CCAR1: variants seen among roughly 807,000 people sequenced by gnomAD.
CCAR1 encodes cell division cycle and apoptosis regulator 1, also known as cell division cycle and apoptosis regulator protein 1.
In CCAR1, 78 loss-of-function variants were observed where a neutral mutation model predicts 163.8. That is an observed-to-expected ratio of 0.48 (90% CI 0.40 to 0.57). CCAR1 has a LOEUF of 0.57. Ranked by LOEUF, CCAR1 falls within the 20% of genes least tolerant of loss-of-function variation. The pLI, the probability that CCAR1 is intolerant of heterozygous loss-of-function variation, is 0.00. For synonymous variants in CCAR1, 443 were observed against 460.7 expected, an observed-to-expected ratio of 0.96 and a Z score of 0.49; for missense variants, 1,019 against 1,365.2, an observed-to-expected ratio of 0.75 and a Z score of 4.00.
chr10:68,724,092 A>T (rs537214757), intron 2 of CCAR1, among the ~76,000 whole-genome samples: 24 of 151,654 alleles, frequency 1.6e-4, no homozygotes, highest in African/African-American at 4.8e-4. Flanking sequence ...TGGGAGGCAG[A>T]GGTTACAGTG....
Position 68,754,976 on chromosome 10 carries a change from T to G in CCAR1, c.1458+149T>G, listed in dbSNP as rs1564539964. 3 of 605,200 alleles carry G rather than the reference T, an allele frequency of 5.0e-6. No individual in the cohort carries two copies. The East Asian group carries it at 8.3e-5, about 17-fold the overall frequency. 37.5% of individuals were successfully genotyped at this position (605,200 alleles called of 1,614,324 possible). A position where few individuals can be genotyped will look rare whatever the true frequency, so the allele number is the denominator to read the frequency against. ...GGCACCCAGAATTTAATGATGTAGA[T>G]GTTTTTCTCATTGCAGATTACAACT... On this transcript the variant is annotated intron_variant, in intron 12 of 24. Coordinates refer to ENST00000265872, the MANE Select transcript of CCAR1 (RefSeq NM_018237.4).
At chr10:68,737,673 TTTATTA>T (rs1242651049) in intron 3 of CCAR1, among the ~76,000 whole-genome samples, 166 bp from the exon 4 acceptor site, 1 of 152,030 alleles carries the variant, frequency 6.6e-6, no homozygotes, top group Admixed American at 6.5e-5. Context: ...AAAATTTATC[TTTATTA>T]TTATTATTTT....
intron 19 of CCAR1, among the ~76,000 whole-genome samples, chr10:68,777,177 G>A (rs1483697661): frequency 6.6e-6 from 1 of 152,038 alleles, no homozygotes; most frequent in Non-Finnish European, 1.5e-5. Context: ...CACTTCTTAC[G>A]AATTCCACTA....
At chr10:68,755,186 G>A (rs748547877) in intron 12 of CCAR1, 184 bp from the exon 13 acceptor site, 3 of 759,848 alleles carry the variant, frequency 3.9e-6, no homozygotes, top group Non-Finnish European at 4.8e-6. Flanking sequence ...TATGATGTGT[G>A]TAAATCCTAT....
At chr10:68,788,412 G>A (rs1426104029) in intron 23 of CCAR1, 84 bp downstream of exon 23, 4 of 861,366 alleles carry the variant, frequency 4.6e-6, no homozygotes, top group Admixed American at 3.3e-5. Flanking sequence ...ACATATATAC[G>A]TACCTGTGTA....
At position 68,788,064 on chromosome 10, in the gene CCAR1, GA is replaced by G; in HGVS notation, c.3001+18del. ...ATATGCTAGGTCTGAGTAATATTAA[GA>G]TTTTGCTTTTTAATAAATATACTAG... On this transcript the variant is annotated intron_variant, in intron 22 of 24. Coordinates refer to ENST00000265872, the MANE Select transcript of CCAR1 (RefSeq NM_018237.4). 1 of 1,568,070 alleles carries G rather than the reference GA, an allele frequency of 6.4e-7. No homozygotes were observed. The highest frequency in any genetic ancestry group is 8.6e-7 in the Non-Finnish European group (1 of 1,163,962).
chr10:68,724,712 G>A (rs867043157), intron 2 of CCAR1, among the ~76,000 whole-genome samples: 1 of 152,162 alleles, frequency 6.6e-6, no homozygotes, highest in African/African-American at 2.4e-5. Context: ...TTGAGCCAGG[G>A]AGGTCAAGGT....
chr10:68,729,548 T>C (rs957944560), intron 2 of CCAR1, among the ~76,000 whole-genome samples: 6 of 151,780 alleles, frequency 4.0e-5, no homozygotes, highest in Non-Finnish European at 4.4e-5. Context: ...GGATTACAGG[T>C]GTGAGCCACC....
chr10:68,781,642 G>A (rs1057506225), intron 19 of CCAR1, among the ~76,000 whole-genome samples: 2 of 152,096 alleles, frequency 1.3e-5, no homozygotes, highest in Non-Finnish European at 2.9e-5. Context: ...GATCACTTGA[G>A]GCTAGGAGTA....
Position 68,755,506 on chromosome 10 carries a change from C to T in CCAR1, c.1595C>T (p.Thr532Ile). Residue 532 changes from threonine to isoleucine, a missense_variant, in exon 13 of 25, where the codon ACA (threonine) becomes ATA (isoleucine). Around this residue, in one of 4 missense-constraint regions of CCAR1, gnomAD observed 644 missense variants for 904.4 expected, o/e 0.71. Coordinates refer to ENST00000265872, the MANE Select transcript of CCAR1 (RefSeq NM_018237.4). ...KTAIRCCKAL[T>I]GIDLSVCTQW... ...GCTATTCGTTGTTGTAAGGCTCTGACAGGCATTGATCTAAGTGTGTGCACA... is the reference window on the plus strand; with the variant it reads ...GCTATTCGTTGTTGTAAGGCTCTGATAGGCATTGATCTAAGTGTGTGCACA... 1 of 1,614,086 alleles carries T rather than the reference C, an allele frequency of 6.2e-7. No individual in the cohort carries two copies. The highest frequency in any genetic ancestry group is 8.5e-7 in the Non-Finnish European group (1 of 1,179,938).
At chr10:68,779,085 C>T (rs577811943) in intron 19 of CCAR1, among the ~76,000 whole-genome samples, 23 of 152,078 alleles carry the variant, frequency 1.5e-4, no homozygotes, top group South Asian at 4.2e-4. Flanking sequence ...CCTTGTGATC[C>T]GCCTGCCTCG....
chr10:68,782,967 A>T (rs2056753895), intron 19 of CCAR1, among the ~76,000 whole-genome samples: 1 of 150,816 alleles, frequency 6.6e-6, no homozygotes, highest in South Asian at 2.1e-4. Flanking sequence ...TCTATTCTGC[A>T]GCCCTTGGAT....
chr10:68,730,326 AATATATAT>A (rs748641938), intron 2 of CCAR1, among the ~76,000 whole-genome samples: 3 of 145,008 alleles, frequency 2.1e-5, no homozygotes, highest in African/African-American at 7.6e-5. Context: ...TTTAAAAAAG[AATATATAT>A]ATATATATAT....
At chr10:68,770,650 G>C (rs1392942516) in intron 17 of CCAR1, among the ~76,000 whole-genome samples, 2 of 152,152 alleles carry the variant, frequency 1.3e-5, no homozygotes, top group African/African-American at 4.8e-5. Flanking sequence ...GACTGAGGCA[G>C]GTGAATGGCT....
rs114951225 is a variant in CCAR1, at chr10:68,749,058, G to C, written c.827-78G>C. On this transcript the variant is annotated intron_variant, in intron 8 of 24. Transcript: ENST00000265872. ...TAGTCACTCTCAGTTATTTAACTTT[G>C]TTCCTCTAATTTTATCAGGTAATGC... The C allele has an allele frequency of 5.4e-4, 823 of 1,538,176 alleles. 8 individuals are homozygous for C. The African/African-American group carries it at 9.4e-3, about 18-fold the overall frequency.
At chr10:68,739,203 G>A (rs1589158879) in intron 4 of CCAR1, among the ~76,000 whole-genome samples, 1 of 152,190 alleles carries the variant, frequency 6.6e-6, no homozygotes, top group African/African-American at 2.4e-5. Context: ...AGGCTAGAGT[G>A]CAATGGTGCG....
intron 6 of CCAR1, among the ~76,000 whole-genome samples, chr10:68,744,517 C>A (rs1195900123): frequency 1.3e-5 from 2 of 152,118 alleles, no homozygotes; most frequent in Non-Finnish European, 2.9e-5. Flanking sequence ...GATTGATGGA[C>A]TGACATTCAA....
intron 10 of CCAR1, 94 bp downstream of exon 10, chr10:68,749,779 T>A (rs1375954736): frequency 9.4e-7 from 1 of 1,067,712 alleles, no homozygotes; most frequent in African/African-American, 1.6e-5. Context: ...CAAGATTGAT[T>A]TCCCGACAGT....
chr10:68,762,892 TAAC>T, intron 16 of CCAR1, among the ~76,000 whole-genome samples: 1 of 152,230 alleles, frequency 6.6e-6, no homozygotes. Context: ...TAGTGAGACA[TAAC>T]AACCAAATGA....
Sources: gnomAD v4.1 joint callset for allele counts (sites outside exome capture counted in the v4.1 genomes callset) on GRCh38, gnomAD v4.1.1 for gene constraint, gnomAD v4.1.1 regional missense constraint, MANE v1.5 for transcripts, NCBI Gene and HGNC (gene_info 2026-07-23, HGNC 2026-07-21) for gene names.